Variants in PPIL6 observed in about 807,000 individuals in gnomAD.
PPIL6 encodes the protein peptidylprolyl isomerase like 6.
Under a neutral mutation model 36.8 loss-of-function variants are expected in PPIL6, and 39 were observed. The ratio of observed to expected loss-of-function variants is 1.06; its 90% CI spans 0.82 to 1.38. The LOEUF (loss-of-function observed/expected upper bound fraction) is 1.38. PPIL6 is among the 40% of genes most tolerant of loss of function. The probability of loss-of-function intolerance (pLI) is 0.00; values close to 1 mark genes in which losing one functional copy is unlikely to be tolerated. For synonymous variants in PPIL6, 123 were observed against 134.1 expected, an observed-to-expected ratio of 0.92 and a Z score of 0.57; for missense variants, 368 against 379.1, an observed-to-expected ratio of 0.97 and a Z score of 0.24.
At chr6:109,401,756 G>A (rs1005532428) in intron 6 of PPIL6, among the ~76,000 whole-genome samples, 1 of 149,084 alleles carries the variant, frequency 6.7e-6, no homozygotes, top group Admixed American at 6.7e-5. Context: ...ATGGAGTCTC[G>A]CTCTGTTGCC....
At chr6:109,437,594 G>GC (rs574520857) in intron 1 of PPIL6, among the ~76,000 whole-genome samples, 12 of 119,552 alleles carry the variant, frequency 1.0e-4, no homozygotes, top group African/African-American at 3.4e-4. Context: ...TCGCTCTGTT[G>GC]CCCAGGATGG....
At chr6:109,438,888 G>GT (rs1420515687) in intron 1 of PPIL6, among the ~76,000 whole-genome samples, 1 of 152,194 alleles carries the variant, frequency 6.6e-6, no homozygotes, top group Non-Finnish European at 1.5e-5. Flanking sequence ...CGCTCGGCCT[G>GT]TAAACAATTC....
rs1426509722 is a variant in PPIL6 at position 109,391,693 on chromosome 6, G to A, written c.*1133C>T. ...GAGCTTGAGAACTTTAGATTACAGAGTAGTGATAAAGCTGAATCTCCAATA... is the reference window on the plus strand; with the variant it reads ...GAGCTTGAGAACTTTAGATTACAGAATAGTGATAAAGCTGAATCTCCAATA... On this transcript the variant is annotated 3_prime_UTR_variant, in exon 8 of 8. Transcript: ENST00000521072. 1 of 152,166 alleles carries A rather than the reference G, an allele frequency of 6.6e-6. No individual in the cohort carries two copies. The allele number at this position is 152,166 out of a possible 1,614,324, so 9.4% of individuals were successfully genotyped here. A position where few individuals can be genotyped will look rare whatever the true frequency, so the allele number is the denominator to read the frequency against.
chr6:109,415,805 C>A (rs6937229), intron 6 of PPIL6, among the ~76,000 whole-genome samples: 10,119 of 152,242 alleles, frequency 0.066, 484 homozygotes, highest in Non-Finnish European at 0.11. Flanking sequence ...GTCCTTATGA[C>A]CCCCTGACTA....
In PPIL6 at chr6:109,433,024, T is replaced by C. The variant is rs112260459; in HGVS notation, c.232-1679A>G. 7.4e-3 allele frequency among the ~76,000 whole-genome samples: 1,132 copies of C among 152,158 alleles called. 3 individuals carry two copies. Among genetic ancestry groups the C allele is most frequent in the Non-Finnish European group, 0.011 (776 of 67,988 alleles). On this transcript the variant is annotated intron_variant, in intron 2 of 7. Coordinates refer to ENST00000521072, the MANE Select transcript of PPIL6 (RefSeq NM_173672.5). ...ATACTTCCTGGAGTGTTTAAATTTATCAGTGTTACCATATTTTACAGGACC... is the reference window on the plus strand; with the variant it reads ...ATACTTCCTGGAGTGTTTAAATTTACCAGTGTTACCATATTTTACAGGACC...
Position 109,428,540 on chromosome 6 carries a change from G to A in PPIL6, c.421-1384C>T, listed in dbSNP as rs547684236. Among the ~76,000 whole-genome samples the A allele has an allele frequency of 4.3e-5, 6 of 139,310 alleles. No individual in the cohort carries two copies. In the East Asian group the frequency reaches 1.4e-3, roughly 32 times the overall value. The allele number at this position is 139,310 out of a possible 152,430, so 91.4% of individuals were successfully genotyped here. On this transcript the variant is annotated intron_variant, in intron 3 of 7. Coordinates refer to ENST00000521072, the MANE Select transcript of PPIL6 (RefSeq NM_173672.5). ...TGCACTACAGCCTGGGTGACAGAGTGAGACCCTATGAAGAAAAAAAAAAAA... is the reference window on the plus strand; with the variant it reads ...TGCACTACAGCCTGGGTGACAGAGTAAGACCCTATGAAGAAAAAAAAAAAA...
At position 109,390,400 on chromosome 6, in the gene PPIL6, A is replaced by T. The variant is rs76165387; in HGVS notation, c.*2426T>A. 1 of 152,230 alleles carries T rather than the reference A, an allele frequency of 6.6e-6. No individual in the cohort carries two copies. Among genetic ancestry groups the T allele is most frequent in the African/African-American group, 2.4e-5 (1 of 41,452 alleles). 9.4% of individuals were successfully genotyped at this position (152,230 alleles called of 1,614,324 possible). ...GAAAAGTTCTTGCCTGAGTTTGTGCAGCTAGGGAATGGCAGAGCCAGGATT... is the reference window on the plus strand; with the variant it reads ...GAAAAGTTCTTGCCTGAGTTTGTGCTGCTAGGGAATGGCAGAGCCAGGATT... On this transcript the variant is annotated 3_prime_UTR_variant, in exon 8 of 8. Coordinates refer to ENST00000521072, the MANE Select transcript of PPIL6 (RefSeq NM_173672.5).
chr6:109,440,667 TCGCAGGAGGCGGGGCCCA>T (rs1774805803), upstream of PPIL6: 1 of 1,065,508 alleles, frequency 9.4e-7, no homozygotes, highest in Non-Finnish European at 1.2e-6. Context: ...CCTCCGCCGC[TCGCAGGAGGCGGGGCCCA>T]GGGGCGGGTC....
At chr6:109,440,948 G>T, upstream of PPIL6, 2 of 617,648 alleles carry the variant, frequency 3.2e-6, no homozygotes, top group Non-Finnish European at 5.5e-6. Flanking sequence ...GCCGGTTGCC[G>T]GGGGAACGCG....
At chr6:109,426,788 A>G in intron 5 of PPIL6, 59 bp downstream of exon 5, 9 of 1,165,200 alleles carry the variant, frequency 7.7e-6, no homozygotes, top group Non-Finnish European at 1.1e-5. Context: ...AGATAAATGA[A>G]AGTTTGGACC....
At chr6:109,405,335 T>A (rs1266545295) in intron 6 of PPIL6, among the ~76,000 whole-genome samples, 1 of 152,190 alleles carries the variant, frequency 6.6e-6, no homozygotes, top group Non-Finnish European at 1.5e-5. Context: ...GCACTATAGT[T>A]TAGTCTTTCC....
At chr6:109,427,237 A>G in intron 3 of PPIL6, 81 bp from the exon 4 acceptor site, 1 of 867,146 alleles carries the variant, frequency 1.2e-6, no homozygotes, top group Non-Finnish European at 1.8e-6. Flanking sequence ...AATACAGCAG[A>G]TACAATATTT....
At chr6:109,392,975 T>C (rs1378068377) in intron 7 of PPIL6, 38 bp from the exon 8 acceptor site, 2 of 1,188,974 alleles carry the variant, frequency 1.7e-6, no homozygotes, top group Non-Finnish European at 2.5e-6. Flanking sequence ...TAGTCAGTCA[T>C]AAGTTTTCAT....
At chr6:109,419,130 CCTGTT>C in intron 6 of PPIL6, 52 bp downstream of exon 6, 1 of 1,006,714 alleles carries the variant, frequency 9.9e-7, no homozygotes, top group South Asian at 1.3e-5. Context: ...ACTGTCCAGT[CCTGTT>C]AAGTTTGAAT....
intron 5 of PPIL6, 69 bp from the exon 6 acceptor site, chr6:109,419,312 G>C: frequency 1.8e-6 from 2 of 1,104,048 alleles, no homozygotes; most frequent in Non-Finnish European, 2.7e-6. Context: ...TAATGACAGG[G>C]AAAAAATTTT....
intron 6 of PPIL6, among the ~76,000 whole-genome samples, chr6:109,407,686 A>G (rs948557264): frequency 1.8e-4 from 27 of 152,216 alleles, no homozygotes; most frequent in African/African-American, 6.3e-4. Context: ...CATATACAAC[A>G]GTCTCAAAAT....
At chr6:109,395,574 C>G (rs191258649) in intron 7 of PPIL6, among the ~76,000 whole-genome samples, 2 of 151,226 alleles carry the variant, frequency 1.3e-5, no homozygotes, top group East Asian at 3.9e-4. Flanking sequence ...CTGGCCTGGA[C>G]TCCTCTCAGG....
At chr6:109,417,530 C>CT (rs1773328667) in intron 6 of PPIL6, among the ~76,000 whole-genome samples, 1 of 152,106 alleles carries the variant, frequency 6.6e-6, no homozygotes, top group African/African-American at 2.4e-5. Flanking sequence ...TTACTCTGCT[C>CT]TTTATTCTCT....
intron 5 of PPIL6, among the ~76,000 whole-genome samples, chr6:109,419,863 GA>G (rs1773453724): frequency 6.6e-5 from 10 of 152,042 alleles, no homozygotes; most frequent in Non-Finnish European, 1.3e-4. Flanking sequence ...TTACATTCAT[GA>G]TAATGCAAAC....
Sources: allele counts gnomAD v4.1 joint callset (sites outside exome capture counted in the v4.1 genomes callset), GRCh38; gene constraint gnomAD v4.1.1; transcripts MANE v1.5; gene names NCBI Gene and HGNC (gene_info 2026-07-23, HGNC 2026-07-21).